Variants in PKNOX2 observed in about 807,000 individuals in gnomAD.
PKNOX2 encodes the protein homeobox protein PKNOX2.
Under a neutral mutation model 53.1 loss-of-function variants are expected in PKNOX2, and 14 were observed. That is an observed-to-expected ratio of 0.26 (90% CI 0.17 to 0.41). The LOEUF is 0.41. Ranked by LOEUF, PKNOX2 falls within the 10% of genes least tolerant of loss-of-function variation. PKNOX2 has a pLI of 1.00. For synonymous variants in PKNOX2, 257 were observed against 242.8 expected (o/e 1.06, Z -0.54); for missense variants, 496 against 602.8 (o/e 0.82, Z 1.85).
chr11:125,353,556 G>A (rs1039258030), intron 4 of PKNOX2, among the ~76,000 whole-genome samples: 1 of 152,200 alleles, frequency 6.6e-6, no homozygotes, highest in Non-Finnish European at 1.5e-5. Flanking sequence ...TTGTGAGGAA[G>A]AAGGGAGTCT....
chr11:125,260,550 A>G (rs1219125434), intron 2 of PKNOX2, among the ~76,000 whole-genome samples: 1 of 151,682 alleles, frequency 6.6e-6, no homozygotes, highest in Non-Finnish European at 1.5e-5. Flanking sequence ...ATAGGTTGGG[A>G]GTTTTGAGGA....
intron 10 of PKNOX2, among the ~76,000 whole-genome samples, chr11:125,413,180 A>G (rs1955665075): frequency 6.6e-6 from 1 of 152,192 alleles, no homozygotes; most frequent in East Asian, 1.9e-4. Context: ...TCCAGATGAG[A>G]AAGCTAATTT....
intron 2 of PKNOX2, among the ~76,000 whole-genome samples, chr11:125,305,467 C>G (rs1948375000): frequency 6.6e-6 from 1 of 152,196 alleles, no homozygotes; most frequent in Admixed American, 6.5e-5. Flanking sequence ...CATACACCCT[C>G]CAGCACCCCC....
intron 2 of PKNOX2, among the ~76,000 whole-genome samples, chr11:125,273,241 A>G (rs1181879143): frequency 6.6e-6 from 1 of 152,242 alleles, no homozygotes; most frequent in Non-Finnish European, 1.5e-5. Flanking sequence ...AACCCAGAGG[A>G]GCAGCTGAAA....
At chr11:125,376,721 G>T (rs1298981373) in intron 5 of PKNOX2, among the ~76,000 whole-genome samples, 1 of 152,080 alleles carries the variant, frequency 6.6e-6, no homozygotes. Context: ...AAAATGTATT[G>T]ATCCTCTGCT....
At chr11:125,284,569 G>T (rs754247493) in intron 2 of PKNOX2, among the ~76,000 whole-genome samples, 1 of 152,190 alleles carries the variant, frequency 6.6e-6, no homozygotes, top group Non-Finnish European at 1.5e-5. Context: ...AAATAAAATG[G>T]TAAGTTGCTA....
At chr11:125,368,726 T>A (rs1279528700) in intron 5 of PKNOX2, among the ~76,000 whole-genome samples, 3 of 152,196 alleles carry the variant, frequency 2.0e-5, no homozygotes, top group Non-Finnish European at 4.4e-5. Flanking sequence ...GAGGGTGGGA[T>A]GGGGCTCAGG....
At chr11:125,385,107 G>A (rs951467887) in intron 5 of PKNOX2, among the ~76,000 whole-genome samples, 1 of 152,100 alleles carries the variant, frequency 6.6e-6, no homozygotes, top group Non-Finnish European at 1.5e-5. Context: ...GTGCACATCT[G>A]CCACCCTTAG....
Position 125,431,338 on chromosome 11 carries a change from G to A in PKNOX2, c.1365G>A (p.Leu455=), listed in dbSNP as rs559532279. The A allele has an allele frequency of 1.9e-6, 3 of 1,613,774 alleles. No homozygotes were observed. In the Admixed American group the frequency reaches 5.0e-5, roughly 27 times the overall value. Residue 455 remains leucine, a synonymous_variant, in exon 13 of 13, where the codon CTG becomes CTA. Transcript: ENST00000298282. Reference sequence around the variant, plus strand: ...AGCTGGAGGAGGAGGTCGACGAGCTGCAGACGACAAATGTCAGCGACCTGG... The same window carrying A: ...AGCTGGAGGAGGAGGTCGACGAGCTACAGACGACAAATGTCAGCGACCTGG... ...EEELEEEVDE[L]QTTNVSDLGL...
intron 2 of PKNOX2, among the ~76,000 whole-genome samples, chr11:125,254,840 G>A (rs942438777): frequency 2.6e-5 from 4 of 152,138 alleles, no homozygotes; most frequent in Admixed American, 6.5e-5. Context: ...AGGGGCTCTT[G>A]GAAACAGCAG....
chr11:125,216,153 C>T (rs1400900675), intron 1 of PKNOX2, among the ~76,000 whole-genome samples: 1 of 152,208 alleles, frequency 6.6e-6, no homozygotes, highest in Non-Finnish European at 1.5e-5. Flanking sequence ...GGTCAGGTCC[C>T]GTGAGATTGT....
chr11:125,279,111 A>G (rs1034671940), intron 2 of PKNOX2, among the ~76,000 whole-genome samples: 7 of 152,202 alleles, frequency 4.6e-5, no homozygotes, highest in Non-Finnish European at 8.8e-5. Context: ...CGTCCCTGTC[A>G]TCCCTGTGGC....
intron 2 of PKNOX2, among the ~76,000 whole-genome samples, chr11:125,320,906 C>T (rs1273810990): frequency 6.6e-6 from 1 of 152,166 alleles, no homozygotes; most frequent in African/African-American, 2.4e-5. Flanking sequence ...CCGTTGCAAC[C>T]TGTAGTTGCT....
chr11:125,413,566 G>A (rs1199380429), intron 10 of PKNOX2, among the ~76,000 whole-genome samples: 1 of 152,222 alleles, frequency 6.6e-6, no homozygotes, highest in Non-Finnish European at 1.5e-5. Flanking sequence ...ATTGTGGTGG[G>A]TGACATACGA....
chr11:125,260,404 G>A (rs1375254053), intron 2 of PKNOX2, among the ~76,000 whole-genome samples: 3 of 151,568 alleles, frequency 2.0e-5, no homozygotes, highest in African/African-American at 7.3e-5. Context: ...TCACCATGTT[G>A]TCCAGGATGG....
intron 6 of PKNOX2, among the ~76,000 whole-genome samples, chr11:125,394,099 T>A (rs1412255380): frequency 6.6e-6 from 1 of 152,206 alleles, no homozygotes; most frequent in Non-Finnish European, 1.5e-5. Flanking sequence ...CTTAACACAG[T>A]GCCTGAGACA....
At chr11:125,244,881 G>A (rs963008080) in intron 2 of PKNOX2, among the ~76,000 whole-genome samples, 10 of 152,094 alleles carry the variant, frequency 6.6e-5, no homozygotes, top group Admixed American at 6.5e-5. Context: ...TGGGACTTGT[G>A]AGGACCCATT....
At chr11:125,350,784 T>C (rs1951258441) in intron 3 of PKNOX2, among the ~76,000 whole-genome samples, 1 of 152,168 alleles carries the variant, frequency 6.6e-6, no homozygotes, top group East Asian at 1.9e-4. Context: ...AGCTTGGTGC[T>C]TGGGGACCCT....
At chr11:125,293,315 G>T (rs1412387475) in intron 2 of PKNOX2, among the ~76,000 whole-genome samples, 1 of 152,162 alleles carries the variant, frequency 6.6e-6, no homozygotes, top group Admixed American at 6.5e-5. Context: ...GTAAACCCAT[G>T]TATGTGGGCA....
Sources: gnomAD v4.1 joint callset for allele counts (sites outside exome capture counted in the v4.1 genomes callset) on GRCh38, gnomAD v4.1.1 for gene constraint, MANE v1.5 for transcripts, NCBI Gene and HGNC (gene_info 2026-07-23, HGNC 2026-07-21) for gene names.